PDE1A: variants seen among roughly 807,000 people sequenced by gnomAD.
The protein encoded by PDE1A is dual specificity calcium/calmodulin-dependent 3',5'-cyclic nucleotide phosphodiesterase 1A.
PDE1A carries 35 observed loss-of-function variants against 61.7 expected under a neutral mutation model. That is an observed-to-expected ratio of 0.57 (90% CI 0.43 to 0.75). PDE1A has a LOEUF of 0.75. Among genes scored for constraint, PDE1A ranks in the 30% least tolerant of loss-of-function variants. PDE1A has a pLI of 0.00. For missense variants in PDE1A, 597 were observed against 630.6 expected, an observed-to-expected ratio of 0.95 and a Z score of 0.57; for synonymous variants, 232 against 213.2, an observed-to-expected ratio of 1.09 and a Z score of -0.77.
chr2:182,484,019 A>G (rs1687859845), intron 2 of PDE1A, among the ~76,000 whole-genome samples: 1 of 151,968 alleles, frequency 6.6e-6, no homozygotes, highest in Non-Finnish European at 1.5e-5. Flanking sequence ...GATGAAATGG[A>G]CAAATTCATT....
chr2:182,305,274 C>T (rs1695504685), intron 1 of PDE1A, among the ~76,000 whole-genome samples: 1 of 152,042 alleles, frequency 6.6e-6, no homozygotes, highest in East Asian at 1.9e-4. Context: ...CCAGGTACCT[C>T]AACTTCCCCC....
chr2:182,384,458 A>AAAT (rs112896044), intron 1 of PDE1A, among the ~76,000 whole-genome samples: 37,078 of 141,666 alleles, frequency 0.26, 5,480 homozygotes, highest in East Asian at 0.37. Flanking sequence ...AATAAAGAGA[A>AAAT]AATAATAATA....
intron 1 of PDE1A, among the ~76,000 whole-genome samples, chr2:182,397,943 C>A (rs1315815846): frequency 1.3e-5 from 2 of 151,962 alleles, no homozygotes; most frequent in African/African-American, 4.8e-5. Flanking sequence ...TAAGACTATT[C>A]TATTCTATGT....
chr2:182,211,131 T>G (rs745448067), intron 7 of PDE1A, among the ~76,000 whole-genome samples: 2 of 152,192 alleles, frequency 1.3e-5, no homozygotes, highest in Non-Finnish European at 2.9e-5. Flanking sequence ...CTTCCAACCC[T>G]GTCACATTGG....
the PDE1A span, among the ~76,000 whole-genome samples, chr2:182,704,724 A>C: frequency 1.3e-5 from 2 of 152,238 alleles, no homozygotes; most frequent in African/African-American, 4.8e-5. Context: ...TGGCTTTATA[A>C]AGGTCAACTA....
At chr2:182,653,473 C>T in the PDE1A span, among the ~76,000 whole-genome samples, 2 of 152,140 alleles carry the variant, frequency 1.3e-5, no homozygotes, top group African/African-American at 4.8e-5. Context: ...TGCTTACTCA[C>T]CTCTTTCTCT....
chr2:182,165,402 A>G (rs931173307), downstream of PDE1A, among the ~76,000 whole-genome samples: 7 of 152,198 alleles, frequency 4.6e-5, no homozygotes, highest in African/African-American at 1.4e-4. Context: ...TTGAGTCAAC[A>G]GGCTAAAAAG....
the PDE1A span, among the ~76,000 whole-genome samples, chr2:182,631,758 C>T: frequency 1.3e-5 from 2 of 152,176 alleles, no homozygotes; most frequent in Non-Finnish European, 2.9e-5. Flanking sequence ...ACTTTTCTTC[C>T]TCTCTGACAT....
intron 2 of PDE1A, among the ~76,000 whole-genome samples, chr2:182,444,610 T>C (rs1685013030): frequency 6.6e-6 from 1 of 152,064 alleles, no homozygotes; most frequent in Non-Finnish European, 1.5e-5. Context: ...TCTAACTGTC[T>C]ATCAATATAT....
At chr2:182,213,171 C>A (rs1370364856) in intron 7 of PDE1A, among the ~76,000 whole-genome samples, 5 of 150,326 alleles carry the variant, frequency 3.3e-5, no homozygotes, top group Middle Eastern at 3.2e-3. Flanking sequence ...ACACCTCACA[C>A]GGCAGGGTAT....
intron 1 of PDE1A, among the ~76,000 whole-genome samples, chr2:182,381,432 G>A (rs1291001602): frequency 1.3e-5 from 2 of 152,172 alleles, no homozygotes; most frequent in Admixed American, 1.3e-4. Context: ...AGGCTCACAG[G>A]ATGGTGGCGA....
the PDE1A span, among the ~76,000 whole-genome samples, chr2:182,689,464 T>A: frequency 6.6e-6 from 1 of 152,002 alleles, no homozygotes; most frequent in Non-Finnish European, 1.5e-5. Context: ...GAAATAAAAA[T>A]GTTCTTTGAA....
At chr2:182,351,001 G>C (rs140646944) in intron 1 of PDE1A, among the ~76,000 whole-genome samples, 11 of 152,302 alleles carry the variant, frequency 7.2e-5, no homozygotes, top group East Asian at 1.9e-4. Flanking sequence ...TATGATAAAT[G>C]CAAGTTTGGC....
At chr2:182,187,911 A>G (rs941241275) in intron 11 of PDE1A, among the ~76,000 whole-genome samples, 12 of 150,928 alleles carry the variant, frequency 8.0e-5, no homozygotes, top group African/African-American at 2.9e-4. Context: ...CGCCCGGCTA[A>G]TTTTTTGTAT....
the PDE1A span, among the ~76,000 whole-genome samples, chr2:182,658,464 C>A: frequency 2.0e-5 from 3 of 152,192 alleles, no homozygotes; most frequent in Non-Finnish European, 4.4e-5. Flanking sequence ...ATTATATGTG[C>A]GAAGATGCTG....
chr2:182,351,669 T>C (rs1698886954), intron 1 of PDE1A, among the ~76,000 whole-genome samples: 1 of 152,198 alleles, frequency 6.6e-6, no homozygotes, highest in African/African-American at 2.4e-5. Flanking sequence ...CGTTGGCACT[T>C]TACCGTGACA....
intron 13 of PDE1A, among the ~76,000 whole-genome samples, chr2:182,150,498 G>T (rs533084260): frequency 6.6e-6 from 1 of 152,316 alleles, no homozygotes; most frequent in South Asian, 2.1e-4. Flanking sequence ...AGGAATGAAT[G>T]CAAGTGGTCT....
intron 1 of PDE1A, among the ~76,000 whole-genome samples, chr2:182,413,710 A>C (rs1242006635): frequency 6.6e-6 from 1 of 152,226 alleles, no homozygotes; most frequent in African/African-American, 2.4e-5. Flanking sequence ...TCAATTTAGG[A>C]AACACTAAAT....
chr2:182,658,318 T>C, the PDE1A span, among the ~76,000 whole-genome samples: 2 of 152,358 alleles, frequency 1.3e-5, no homozygotes, highest in Non-Finnish European at 1.5e-5. Context: ...TGCCTTGCAA[T>C]TGTAACACTC....
Sources: allele counts gnomAD v4.1 joint callset (sites outside exome capture counted in the v4.1 genomes callset), GRCh38; gene constraint gnomAD v4.1.1; transcripts MANE v1.5; gene names NCBI Gene and HGNC (gene_info 2026-07-23, HGNC 2026-07-21).